Variants in VDAC1 observed in about 807,000 individuals in gnomAD.
VDAC1 encodes non-selective voltage-gated ion channel VDAC1.
VDAC1 carries 10 observed loss-of-function variants against 34.7 expected under a neutral mutation model. The observed-to-expected ratio is 0.29, with a 90% confidence interval of 0.18 to 0.49. VDAC1 has a LOEUF of 0.49. Among genes scored for constraint, VDAC1 ranks in the 20% least tolerant of loss-of-function variants. The pLI is 0.99. For missense variants in VDAC1, 230 were observed against 347.9 expected (o/e 0.66, Z 2.69); for synonymous variants, 130 against 136.0 (o/e 0.96, Z 0.30).
At chr5:134,055,322 C>T in the VDAC1 span, among the ~76,000 whole-genome samples, 1 of 152,164 alleles carries the variant, frequency 6.6e-6, no homozygotes, top group Admixed American at 6.6e-5. Context: ...AGTTTTCAGC[C>T]TTGGAGGAGA....
chr5:134,105,653 G>A, the VDAC1 span, among the ~76,000 whole-genome samples: 1 of 152,246 alleles, frequency 6.6e-6, no homozygotes, highest in African/African-American at 2.4e-5. Context: ...AACAGAAAAT[G>A]AGAGTGAGCA....
the VDAC1 span, among the ~76,000 whole-genome samples, chr5:134,079,618 A>G: frequency 1.3e-5 from 2 of 152,174 alleles, no homozygotes; most frequent in African/African-American, 4.8e-5. Flanking sequence ...GTTGCATTTC[A>G]ATCTAAATTA....
intron 3 of VDAC1, among the ~76,000 whole-genome samples, chr5:133,992,078 A>G (rs1314688254): frequency 6.6e-6 from 1 of 152,142 alleles, no homozygotes; most frequent in Non-Finnish European, 1.5e-5. Flanking sequence ...CTCTATTAAA[A>G]ATACAAAATT....
At chr5:134,017,961 G>T in the VDAC1 span, among the ~76,000 whole-genome samples, 323 of 152,320 alleles carry the variant, frequency 2.1e-3, 3 homozygotes, top group African/African-American at 7.5e-3. Context: ...AATGACGTGT[G>T]GCATAAAGGC....
chr5:134,010,498 T>G, the VDAC1 span, among the ~76,000 whole-genome samples: 4 of 152,038 alleles, frequency 2.6e-5, no homozygotes, highest in Non-Finnish European at 4.4e-5. Flanking sequence ...CTCGGGAGGC[T>G]GAAGCAGGAG....
upstream of VDAC1, among the ~76,000 whole-genome samples, chr5:134,007,386 C>T (rs2127052726): frequency 6.6e-6 from 1 of 152,302 alleles, no homozygotes; most frequent in East Asian, 1.9e-4. Context: ...AGTGAGCTAG[C>T]ATCCCACTAC....
chr5:134,055,604 T>TG, the VDAC1 span, among the ~76,000 whole-genome samples: 2 of 140,988 alleles, frequency 1.4e-5, no homozygotes, highest in African/African-American at 5.3e-5. Context: ...TTTTTTTTTT[T>TG]TTTTTTTTTT....
chr5:134,107,008 T>C, the VDAC1 span, among the ~76,000 whole-genome samples: 308 of 152,228 alleles, frequency 2.0e-3, 1 homozygote, highest in Non-Finnish European at 3.6e-3. Context: ...AGGCTGCCTC[T>C]CCAAAAAGAA....
At chr5:133,977,613 T>C (rs1261223863) in intron 6 of VDAC1, among the ~76,000 whole-genome samples, 2 of 152,240 alleles carry the variant, frequency 1.3e-5, no homozygotes, top group African/African-American at 2.4e-5. Context: ...GTCTACACTT[T>C]GTCCTCTGTC....
intron 1 of VDAC1, among the ~76,000 whole-genome samples, chr5:133,997,942 CT>C: frequency 6.6e-6 from 1 of 151,952 alleles, no homozygotes; most frequent in Non-Finnish European, 1.5e-5. Flanking sequence ...TGGCGCATGC[CT>C]GTAATCCCAG....
At chr5:134,086,510 T>C in the VDAC1 span, among the ~76,000 whole-genome samples, 4 of 152,292 alleles carry the variant, frequency 2.6e-5, no homozygotes, top group South Asian at 8.3e-4. Flanking sequence ...CAGAGTCTTT[T>C]TAATTAAGGA....
the VDAC1 span, among the ~76,000 whole-genome samples, chr5:134,039,149 C>T: frequency 6.6e-6 from 1 of 152,130 alleles, no homozygotes; most frequent in Non-Finnish European, 1.5e-5. Context: ...CCACCTCAAT[C>T]GTCCTCCCTT....
At chr5:134,108,148 C>T in the VDAC1 span, among the ~76,000 whole-genome samples, 1 of 151,998 alleles carries the variant, frequency 6.6e-6, no homozygotes, top group Non-Finnish European at 1.5e-5. Flanking sequence ...AGGAAGAGAC[C>T]AGGAATGGGC....
the VDAC1 span, among the ~76,000 whole-genome samples, chr5:134,010,190 AT>A: frequency 2.0e-4 from 31 of 152,274 alleles, 1 homozygote; most frequent in African/African-American, 7.2e-4. Context: ...CATTGTAAGT[AT>A]GGGGAATGCC....
chr5:134,072,030 T>TC, the VDAC1 span, among the ~76,000 whole-genome samples: 3 of 151,914 alleles, frequency 2.0e-5, no homozygotes, highest in African/African-American at 7.3e-5. Context: ...TGGAATCCAG[T>TC]CCCCCACAGC....
chr5:134,055,671 G>A, the VDAC1 span, among the ~76,000 whole-genome samples: 1 of 133,880 alleles, frequency 7.5e-6, no homozygotes, highest in African/African-American at 2.9e-5. Context: ...CAGGTGATCC[G>A]CCCGCCATGG....
intron 5 of VDAC1, among the ~76,000 whole-genome samples, chr5:133,985,782 A>G (rs180756372): frequency 6.6e-6 from 1 of 152,384 alleles, no homozygotes; most frequent in East Asian, 1.9e-4. Flanking sequence ...TGAGAGGCTG[A>G]CATTTACAAA....
intron 5 of VDAC1, among the ~76,000 whole-genome samples, chr5:133,989,985 C>T (rs982908860): frequency 3.9e-5 from 6 of 152,176 alleles, no homozygotes; most frequent in African/African-American, 1.4e-4. Context: ...AACTGAAATT[C>T]AGTACATGCC....
At chr5:134,030,591 T>C in the VDAC1 span, among the ~76,000 whole-genome samples, 10 of 41,140 alleles carry the variant, frequency 2.4e-4, no homozygotes, top group Non-Finnish European at 6.0e-4. Flanking sequence ...CAGCATTCTT[T>C]CTTTCTTTCT....
Sources: allele counts gnomAD v4.1 joint callset (sites outside exome capture counted in the v4.1 genomes callset), GRCh38; gene constraint gnomAD v4.1.1; transcripts MANE v1.5; gene names NCBI Gene and HGNC (gene_info 2026-07-23, HGNC 2026-07-21).